The following MLLT10 variants were observed in gnomAD, a reference collection of about 807,000 sequenced individuals.
The protein encoded by MLLT10 is MLLT10 histone lysine methyltransferase DOT1L cofactor.
MLLT10 carries 30 observed loss-of-function variants against 129.1 expected under a neutral mutation model. The observed-to-expected ratio is 0.23, with a 90% CI of 0.17 to 0.32. The LOEUF (loss-of-function observed/expected upper bound fraction) is 0.32. MLLT10 is among the 10% of genes least tolerant of loss of function. The pLI is 1.00. For missense variants in MLLT10, 1,119 were observed against 1,268.3 expected (o/e 0.88, Z 1.79); for synonymous variants, 490 against 446.4 (o/e 1.10, Z -1.23).
intron 8 of MLLT10, among the ~76,000 whole-genome samples, chr10:21,639,590 T>C (rs562205244): frequency 6.6e-6 from 1 of 152,282 alleles, no homozygotes; most frequent in South Asian, 2.1e-4. Flanking sequence ...CTCTTGGGCC[T>C]TTGTTATACC....
chr10:21,697,099 CAAAAAAAAA>C (rs1163740638), intron 13 of MLLT10, among the ~76,000 whole-genome samples: 3 of 82,666 alleles, frequency 3.6e-5, no homozygotes, highest in Admixed American at 1.7e-4. Context: ...CTGATTTAAG[CAAAAAAAAA>C]AAAAAAAAAA....
In MLLT10 at chr10:21,683,300, G is replaced by A. The variant is rs191466997; in HGVS notation, c.1699+1043G>A. The stretch of plus-strand genomic sequence containing the variant: ...GTCTCCCTATGCAACCTGTGCCTGC[G>A]GAAGCTTAGATAATGAATACTCTTG... On this transcript the variant is annotated intron_variant, in intron 13 of 22. Coordinates refer to ENST00000307729, the MANE Select transcript of MLLT10 (RefSeq NM_001195626.3). 1.3e-3 allele frequency among the ~76,000 whole-genome samples: 195 copies of A among 152,096 alleles called. 1 individual carries two copies. Among genetic ancestry groups the A allele is most frequent in the African/African-American group, 4.0e-3 (168 of 41,488 alleles).
chr10:21,630,476 G>A (rs1334398510), intron 8 of MLLT10, among the ~76,000 whole-genome samples: 13 of 152,216 alleles, frequency 8.5e-5, no homozygotes, highest in Non-Finnish European at 1.6e-4. Context: ...TACACATCTT[G>A]TGAGTGGCAG....
intron 8 of MLLT10, among the ~76,000 whole-genome samples, chr10:21,636,371 C>T (rs2047458517): frequency 6.6e-6 from 1 of 152,146 alleles, no homozygotes; most frequent in Admixed American, 6.5e-5. Flanking sequence ...TATCCTTCTC[C>T]CACCTTGGCC....
At chr10:21,672,880 AT>A (rs2051617876) in intron 10 of MLLT10, among the ~76,000 whole-genome samples, 2 of 152,288 alleles carry the variant, frequency 1.3e-5, no homozygotes, top group African/African-American at 4.8e-5. Context: ...TATTGGGAAC[AT>A]TTTCAATCAT....
intron 13 of MLLT10, among the ~76,000 whole-genome samples, chr10:21,706,552 C>T (rs2055521381): frequency 6.6e-6 from 1 of 152,176 alleles, no homozygotes; most frequent in Admixed American, 6.5e-5. Flanking sequence ...TTAGGGATAA[C>T]TTACAGGCTT....
chr10:21,701,682 G>T (rs1485635121), intron 13 of MLLT10, among the ~76,000 whole-genome samples: 2 of 151,984 alleles, frequency 1.3e-5, no homozygotes, highest in Non-Finnish European at 2.9e-5. Context: ...TGCCTCCTGG[G>T]GTCCAGCAAT....
chr10:21,701,249 T>C (rs1444443368), intron 13 of MLLT10, among the ~76,000 whole-genome samples: 1 of 151,906 alleles, frequency 6.6e-6, no homozygotes, highest in Non-Finnish European at 1.5e-5. Context: ...ATCAATTTTG[T>C]TTACCTTTTG....
chr10:21,620,713 G>GTTT (rs2045725718), intron 8 of MLLT10, among the ~76,000 whole-genome samples: 5 of 151,896 alleles, frequency 3.3e-5, no homozygotes, highest in Admixed American at 2.0e-4. Context: ...TTACTGAGGC[G>GTTT]GAGTCTTGCT....
At chr10:21,730,271 T>C (rs1238056210) in intron 16 of MLLT10, among the ~76,000 whole-genome samples, 7 of 142,122 alleles carry the variant, frequency 4.9e-5, no homozygotes, top group Non-Finnish European at 1.1e-4. Context: ...CACAGCACTC[T>C]AGCATGGCTG....
rs906904798 is a variant in MLLT10 at position 21,636,565 on chromosome 10, A to ATT, written c.700-15106_700-15105dup. 3.6e-4 allele frequency among the ~76,000 whole-genome samples: 54 copies of ATT among 149,450 alleles called. No individual in the cohort carries two copies. The Middle Eastern group carries it at 0.011, about 29-fold the overall frequency. ...ATGTTCTTTTATAGTGCCTAATATGATTTCTTTTCTTTTCTTTTTTTTTTT... is the reference window on the plus strand; with the variant it reads ...ATGTTCTTTTATAGTGCCTAATATGATTTTTCTTTTCTTTTCTTTTTTTTTTT... On this transcript the variant is annotated intron_variant, in intron 8 of 22. Transcript: ENST00000307729.
chr10:21,582,734 T>C (rs1589071763), intron 3 of MLLT10, among the ~76,000 whole-genome samples: 1 of 152,106 alleles, frequency 6.6e-6, no homozygotes, highest in Middle Eastern at 3.4e-3. Context: ...GGATTAAAAG[T>C]GAGATTAGGG....
At chr10:21,731,863 GCCT>G (rs764819096) in intron 17 of MLLT10, among the ~76,000 whole-genome samples, 5 of 152,120 alleles carry the variant, frequency 3.3e-5, no homozygotes, top group South Asian at 2.1e-4. Context: ...AACTTTTGCT[GCCT>G]CATTTTATTG....
intron 13 of MLLT10, chr10:21,688,644 T>C (rs763409754): frequency 2.6e-6 from 2 of 764,216 alleles, no homozygotes; most frequent in East Asian, 6.4e-5. Context: ...TATGTACTCA[T>C]AAAAAAAAAA....
chr10:21,713,966 A>G lies in MLLT10; in HGVS notation c.1878+16A>G. Reference sequence around the variant, plus strand: ...TACAACTCAGGTAAGTTGTTACACTATCATGTGACAGGTAATAGGTGGGTT... The same window carrying G: ...TACAACTCAGGTAAGTTGTTACACTGTCATGTGACAGGTAATAGGTGGGTT... On this transcript the variant is annotated intron_variant, in intron 14 of 22. Coordinates refer to ENST00000307729, the MANE Select transcript of MLLT10 (RefSeq NM_001195626.3). 4.4e-6 allele frequency: 7 copies of G among 1,593,366 alleles called. No homozygotes were observed. Among genetic ancestry groups the G allele is most frequent in the East Asian group, 2.3e-5 (1 of 44,384 alleles).
At chr10:21,643,102 G>A (rs542871082) in intron 8 of MLLT10, among the ~76,000 whole-genome samples, 1 of 152,002 alleles carries the variant, frequency 6.6e-6, no homozygotes, top group South Asian at 2.1e-4. Context: ...GTGCAATCTC[G>A]GCTCACTGCA....
At chr10:21,658,491 T>G (rs898903988) in intron 9 of MLLT10, among the ~76,000 whole-genome samples, 2 of 152,236 alleles carry the variant, frequency 1.3e-5, no homozygotes, top group Non-Finnish European at 2.9e-5. Context: ...AATTAGCTTA[T>G]CCATTCAACA....
chr10:21,659,620 C>T (rs774394808), intron 9 of MLLT10, among the ~76,000 whole-genome samples: 6 of 151,040 alleles, frequency 4.0e-5, no homozygotes, highest in South Asian at 4.2e-4. Flanking sequence ...AAGGGATTCT[C>T]ATGCCTCACC....
At chr10:21,731,819 GA>G (rs1170853578) in intron 17 of MLLT10, among the ~76,000 whole-genome samples, 1 of 151,964 alleles carries the variant, frequency 6.6e-6, no homozygotes, top group African/African-American at 2.4e-5. Context: ...TAATTTTAGG[GA>G]AAAATAGGTG....
Sources: gnomAD v4.1 joint callset for allele counts (sites outside exome capture counted in the v4.1 genomes callset) on GRCh38, gnomAD v4.1.1 for gene constraint, MANE v1.5 for transcripts, NCBI Gene and HGNC (gene_info 2026-07-23, HGNC 2026-07-21) for gene names.